ALMS1: variants seen among roughly 807,000 people sequenced by gnomAD.
The protein encoded by ALMS1 is centrosome-associated protein ALMS1.
Under a neutral mutation model 352.2 loss-of-function variants are expected in ALMS1, and 271 were observed. The observed-to-expected ratio is 0.77, with a 90% CI of 0.70 to 0.85. The LOEUF (loss-of-function observed/expected upper bound fraction) is 0.85, where lower values mean the gene tolerates loss of function less well. Ranked by LOEUF, ALMS1 falls within the 40% of genes least tolerant of loss-of-function variation. ALMS1 has a pLI of 0.00. For missense variants in ALMS1, 5,445 were observed against 4,870.7 expected (o/e 1.12, Z -3.51); for synonymous variants, 1,865 against 1,761.2 (o/e 1.06, Z -1.48).
intron 2 of ALMS1, among the ~76,000 whole-genome samples, chr2:73,411,210 C>T (rs1671069828): frequency 6.6e-6 from 1 of 151,726 alleles, no homozygotes; most frequent in South Asian, 2.1e-4. Flanking sequence ...GAAAAACATA[C>T]AAGGAGAAGA....
At chr2:73,474,246 T>G (rs1157721745) in intron 9 of ALMS1, among the ~76,000 whole-genome samples, 1 of 152,052 alleles carries the variant, frequency 6.6e-6, no homozygotes, top group Non-Finnish European at 1.5e-5. Context: ...TTTAAAAAAT[T>G]GAGAATTTTT....
At chr2:73,609,365 TATTG>T (rs1675891415) in intron 22 of ALMS1, among the ~76,000 whole-genome samples, 199 bp from the exon 23 acceptor site, 1 of 152,222 alleles carries the variant, frequency 6.6e-6, no homozygotes, top group Admixed American at 6.5e-5. Context: ...AAATAATAGA[TATTG>T]ATTACAGATC....
Position 73,449,237 on chromosome 2 carries a change from C to A in ALMS1, c.2710C>A (p.Pro904Thr). Residue 904 changes from proline (P) to threonine (T), a missense_variant, in exon 8 of 23, where the codon CCA (proline) becomes ACA (threonine). Coordinates refer to ENST00000613296, the MANE Select transcript of ALMS1 (RefSeq NM_001378454.1). ...GDQKTGIPSA[P>T]SSFYSHREKP... ...TCAGAAGACTGGGATACCCTCAGCA[C>A]CATCTAGTTTCTACTCACACAGAGA... The A allele has an allele frequency of 1.2e-6, 2 of 1,614,116 alleles. No individual in the cohort carries two copies. The highest frequency in any genetic ancestry group is 4.5e-5 in the East Asian group (2 of 44,870).
intron 21 of ALMS1, among the ~76,000 whole-genome samples, chr2:73,607,238 CT>C (rs1226476175): frequency 6.6e-6 from 1 of 152,084 alleles, no homozygotes; most frequent in East Asian, 1.9e-4. Flanking sequence ...TGTTGTGAAC[CT>C]TTCCTATGAC....
intron 11 of ALMS1, among the ~76,000 whole-genome samples, chr2:73,527,627 C>T (rs1673819375): frequency 6.6e-6 from 1 of 151,884 alleles, no homozygotes; most frequent in Non-Finnish European, 1.5e-5. Flanking sequence ...TTCTTAATCT[C>T]TGATTTTATT....
chr2:73,508,040 T>G (rs1673368630), intron 10 of ALMS1, among the ~76,000 whole-genome samples: 1 of 152,136 alleles, frequency 6.6e-6, no homozygotes, highest in Non-Finnish European at 1.5e-5. Flanking sequence ...ATTTAGCCAG[T>G]AGTCATTCAG....
chr2:73,484,213 G>A (rs992379142), intron 9 of ALMS1, among the ~76,000 whole-genome samples: 10 of 151,648 alleles, frequency 6.6e-5, no homozygotes, highest in East Asian at 1.9e-4. Context: ...GGCTGGTACT[G>A]GTTGTTCCTT....
At chr2:73,608,118 A>C (rs1037359916) in intron 21 of ALMS1, among the ~76,000 whole-genome samples, 1 of 152,232 alleles carries the variant, frequency 6.6e-6, no homozygotes, top group African/African-American at 2.4e-5. Context: ...TTCCAAACAC[A>C]ATAGTAACGC....
chr2:73,555,574 C>T (rs971843879), intron 13 of ALMS1, among the ~76,000 whole-genome samples: 1 of 152,116 alleles, frequency 6.6e-6, no homozygotes, highest in African/African-American at 2.4e-5. Context: ...ACACGCAAAG[C>T]ACCTACCCTA....
chr2:73,448,642 G>A lies in ALMS1; in HGVS notation c.2115G>A (p.Lys705=), dbSNP rs267599446. ...VSAVSGPADQ[K]TGTATVLSTP... ...CTGTGTCTGGACCAGCTGACCAGAA[G>A]ACTGGGACAGCAACAGTACTCTCTA... is the stretch of plus-strand genomic sequence containing the variant. The change falls in exon 8 of 23, where the codon AAG becomes AAA. Residue 705 remains lysine (K), a synonymous_variant. Coordinates refer to ENST00000613296, the MANE Select transcript of ALMS1 (RefSeq NM_001378454.1). 4 of 1,613,384 alleles carry A rather than the reference G, an allele frequency of 2.5e-6. No homozygotes were observed. The highest frequency in any genetic ancestry group is 1.7e-5 in the Admixed American group (1 of 59,928).
chr2:73,538,199 A>G (rs1674073412), intron 12 of ALMS1, among the ~76,000 whole-genome samples: 1 of 152,124 alleles, frequency 6.6e-6, no homozygotes, highest in East Asian at 1.9e-4. Flanking sequence ...AACCCTTACA[A>G]CTCAACAACA....
intron 15 of ALMS1, among the ~76,000 whole-genome samples, chr2:73,565,399 A>G (rs1674781232): frequency 6.6e-6 from 1 of 152,224 alleles, no homozygotes; most frequent in Admixed American, 6.5e-5. Flanking sequence ...TCATAACCAA[A>G]GTATAAAATA....
At chr2:73,476,571 T>G (rs1022165686) in intron 9 of ALMS1, among the ~76,000 whole-genome samples, 28 of 132,542 alleles carry the variant, frequency 2.1e-4, no homozygotes, top group Non-Finnish European at 4.0e-4. Flanking sequence ...TTATTTTCTG[T>G]TTTTTTTTGT....
chr2:73,545,982 A>G lies in ALMS1; in HGVS notation c.9908-4285A>G, dbSNP rs189478833. Among the ~76,000 whole-genome samples, 60 of 152,284 alleles carry G rather than the reference A, an allele frequency of 3.9e-4. 1 individual carries two copies. In the East Asian group the frequency reaches 6.2e-3, roughly 16 times the overall value. On this transcript the variant is annotated intron_variant, in intron 12 of 22. Coordinates refer to ENST00000613296, the MANE Select transcript of ALMS1 (RefSeq NM_001378454.1). ...GAGTTTGAAGAAATGTCTTTTTGGT[A>G]CAATATCAGATACTTCATCAGGTGC...
intron 10 of ALMS1, among the ~76,000 whole-genome samples, chr2:73,514,019 A>G (rs955778470): frequency 1.3e-5 from 2 of 152,166 alleles, no homozygotes; most frequent in African/African-American, 2.4e-5. Flanking sequence ...ATAGAAACAC[A>G]GGAGAGGGGA....
At chr2:73,527,104 T>C (rs1020415047) in intron 11 of ALMS1, among the ~76,000 whole-genome samples, 5 of 152,320 alleles carry the variant, frequency 3.3e-5, no homozygotes, top group African/African-American at 1.2e-4. Context: ...CATCCTTGCA[T>C]CCCTGGGATG....
rs1163075641 is a variant in ALMS1 at position 73,419,190 on chromosome 2, C to T, written c.518C>T (p.Thr173Ile). The change falls in exon 3 of 23, where the codon ACT becomes ATT. Residue 173 changes from threonine to isoleucine, a missense_variant. Thr to Ile is a moderately conservative substitution (Grantham distance 89). Transcript: ENST00000613296. ...DSSQTLDTSQ[T>I]RFNVRTEDTE... The stretch of plus-strand genomic sequence containing the variant: ...TCCCAAACCTTGGATACATCCCAGA[C>T]TAGGTTTAATGTGAGAACGGAAGAT... The T allele has an allele frequency of 6.2e-7, 1 of 1,613,880 alleles. No individual in the cohort carries two copies. The highest frequency in any genetic ancestry group is 2.2e-5 in the East Asian group (1 of 44,886).
intron 16 of ALMS1, among the ~76,000 whole-genome samples, chr2:73,584,377 T>C (rs952997707): frequency 6.6e-6 from 1 of 152,210 alleles, no homozygotes. Flanking sequence ...GGTCAGTATT[T>C]ACCAGGAGTC....
intron 10 of ALMS1, among the ~76,000 whole-genome samples, chr2:73,509,296 G>A (rs1334415059): frequency 6.6e-6 from 1 of 152,120 alleles, no homozygotes; most frequent in African/African-American, 2.4e-5. Flanking sequence ...TCATTATGAT[G>A]CTAGCTGGTT....
Sources: allele counts gnomAD v4.1 joint callset (sites outside exome capture counted in the v4.1 genomes callset), GRCh38; gene constraint gnomAD v4.1.1; transcripts MANE v1.5; gene names NCBI Gene and HGNC (gene_info 2026-07-23, HGNC 2026-07-21).